ANO2: variants seen among roughly 807,000 people sequenced by gnomAD.
ANO2 encodes the protein anoctamin-2.
A neutral mutation model predicts 124.2 loss-of-function variants in ANO2; 101 were observed. The observed-to-expected ratio is 0.81, with a 90% CI of 0.69 to 0.96. ANO2 has a LOEUF of 0.96. Among genes scored for constraint, ANO2 ranks in the 40% least tolerant of loss-of-function variants. The pLI is 0.00. For missense variants in ANO2, 1,293 were observed against 1,274.5 expected (o/e 1.01, Z -0.22); for synonymous variants, 486 against 482.5 (o/e 1.01, Z -0.09).
chr12:5,613,661 T>G (rs893578529), intron 17 of ANO2, among the ~76,000 whole-genome samples: 1 of 152,188 alleles, frequency 6.6e-6, no homozygotes, highest in Non-Finnish European at 1.5e-5. Context: ...TGTAAGCCTT[T>G]CCTTTGCTGA....
In ANO2 at chr12:5,922,810, A is replaced by C. The variant is rs770472877; in HGVS notation, c.23-6T>G. 3 of 1,486,162 alleles carry C rather than the reference A, an allele frequency of 2.0e-6. No homozygotes were observed. The highest frequency in any genetic ancestry group is 2.7e-6 in the Non-Finnish European group (3 of 1,118,574). 92.1% of individuals were successfully genotyped at this position (1,486,162 alleles called of 1,614,324 possible). On this transcript the variant is annotated splice_region_variant and splice_polypyrimidine_tract_variant and intron_variant, in intron 1 of 24. Transcript: ENST00000682330. ...GCCAGGGAGCAGGGGTATATCTGTG[A>C]GAGGGAAAGACAAGGGAGGCAAAAC...
intron 6 of ANO2, among the ~76,000 whole-genome samples, chr12:5,828,870 C>T (rs935055508): frequency 1.3e-5 from 2 of 152,184 alleles, no homozygotes; most frequent in African/African-American, 4.8e-5. Flanking sequence ...TGCTCAGACA[C>T]CCACAAAGAA....
chr12:5,724,087 T>A (rs1281271636), intron 14 of ANO2, among the ~76,000 whole-genome samples: 1 of 151,794 alleles, frequency 6.6e-6, no homozygotes, highest in Non-Finnish European at 1.5e-5. Flanking sequence ...ATAGCCAGAG[T>A]CCATGAAATG....
At chr12:5,852,072 T>A in intron 4 of ANO2, 2 of 693,344 alleles carry the variant, frequency 2.9e-6, no homozygotes, top group South Asian at 3.0e-5. Context: ...GAATAATATA[T>A]TGGAGTTAGA....
At chr12:5,605,994 C>A (rs567415636) in intron 19 of ANO2, among the ~76,000 whole-genome samples, 10 of 152,182 alleles carry the variant, frequency 6.6e-5, no homozygotes, top group South Asian at 2.1e-4. Flanking sequence ...AGCCAGATCA[C>A]GCAACCAAGT....
intron 4 of ANO2, among the ~76,000 whole-genome samples, chr12:5,833,473 A>G (rs139998534): frequency 6.6e-6 from 1 of 152,104 alleles, no homozygotes; most frequent in Admixed American, 6.5e-5. Context: ...TCTGCATTGG[A>G]TCTGTGGATG....
intron 16 of ANO2, among the ~76,000 whole-genome samples, chr12:5,633,347 C>T (rs530263622): frequency 1.3e-5 from 2 of 152,292 alleles, no homozygotes; most frequent in South Asian, 4.1e-4. Context: ...GTCTGTTTGG[C>T]TCTCTTCCTA....
chr12:5,743,361 C>A (rs113351573), intron 12 of ANO2, among the ~76,000 whole-genome samples: 1 of 152,158 alleles, frequency 6.6e-6, no homozygotes, highest in African/African-American at 2.4e-5. Context: ...CTCAGATGGG[C>A]TGACACAGGT....
intron 7 of ANO2, among the ~76,000 whole-genome samples, chr12:5,819,613 T>A (rs1023212229): frequency 2.6e-5 from 4 of 152,192 alleles, no homozygotes; most frequent in Non-Finnish European, 5.9e-5. Context: ...TTAGGGAGAT[T>A]GGGATGGTGG....
chr12:5,584,731 C>T (rs1252697390), intron 20 of ANO2, among the ~76,000 whole-genome samples: 1 of 152,128 alleles, frequency 6.6e-6, no homozygotes, highest in Non-Finnish European at 1.5e-5. Context: ...TTGCAAGTGT[C>T]GATTGTACAC....
intron 3 of ANO2, among the ~76,000 whole-genome samples, chr12:5,881,275 T>C (rs913350856): frequency 6.6e-6 from 1 of 152,124 alleles, no homozygotes; most frequent in Non-Finnish European, 1.5e-5. Flanking sequence ...AACCCACATA[T>C]GCATGCATCC....
At position 5,904,039 on chromosome 12, in the gene ANO2, T is replaced by C. The variant is rs554245585; in HGVS notation, c.534+17001A>G. ...CTGGGCAATTTCCTGCCTTCTGCTTTCTTCATTAAACACTGACCTCCCCAA... is the reference window on the plus strand; with the variant it reads ...CTGGGCAATTTCCTGCCTTCTGCTTCCTTCATTAAACACTGACCTCCCCAA... On this transcript the variant is annotated intron_variant, in intron 3 of 24. Transcript: ENST00000682330. The surrounding 1 kb of genome is among the most constrained non-coding windows in gnomAD (Gnocchi z 4.1). Among the ~76,000 whole-genome samples, 380 of 152,274 alleles carry C rather than the reference T, an allele frequency of 2.5e-3. 3 individuals carry two copies. Among genetic ancestry groups the C allele is most frequent in the African/African-American group, 8.8e-3 (366 of 41,536 alleles).
At chr12:5,800,242 G>T (rs1287324987) in intron 9 of ANO2, among the ~76,000 whole-genome samples, 1 of 152,266 alleles carries the variant, frequency 6.6e-6, no homozygotes, top group African/African-American at 2.4e-5. Flanking sequence ...AACCAGTGTG[G>T]CTGGGGCAGA....
chr12:5,607,415 C>T (rs1024876456), intron 19 of ANO2, among the ~76,000 whole-genome samples: 1 of 146,538 alleles, frequency 6.8e-6, no homozygotes, highest in African/African-American at 2.5e-5. Flanking sequence ...TTTGTTTTAA[C>T]GTAAAAACCT....
intron 10 of ANO2, among the ~76,000 whole-genome samples, chr12:5,780,695 C>T (rs1347546443): frequency 1.3e-5 from 2 of 152,122 alleles, no homozygotes; most frequent in Non-Finnish European, 2.9e-5. Context: ...GAGGATCCTT[C>T]GCTTGTAAAC....
At chr12:5,807,187 AT>A in intron 8 of ANO2, 125 bp downstream of exon 8, 1 of 783,906 alleles carries the variant, frequency 1.3e-6, no homozygotes, top group Non-Finnish European at 1.9e-6. Context: ...CAGTCAAGGT[AT>A]TTTAATGTCA....
chr12:5,827,729 A>T, intron 7 of ANO2, 40 bp downstream of exon 7: 1 of 1,591,568 alleles, frequency 6.3e-7, no homozygotes, highest in Non-Finnish European at 8.6e-7. Flanking sequence ...GAGCCGCCTC[A>T]GCGCCCGTCA....
intron 14 of ANO2, among the ~76,000 whole-genome samples, chr12:5,709,817 A>G (rs368156116): frequency 2.8e-4 from 43 of 152,346 alleles, no homozygotes; most frequent in African/African-American, 1.0e-3. Flanking sequence ...AGGACAGAGC[A>G]TCTTAGGCCA....
At chr12:5,627,676 T>G (rs747032649) in intron 16 of ANO2, among the ~76,000 whole-genome samples, 71 of 152,264 alleles carry the variant, frequency 4.7e-4, no homozygotes, top group Non-Finnish European at 9.0e-4. Flanking sequence ...GGCAGCCATT[T>G]GTACCTGTGA....
Sources: allele counts gnomAD v4.1 joint callset (sites outside exome capture counted in the v4.1 genomes callset), GRCh38; gene constraint gnomAD v4.1.1; non-coding constraint Gnocchi (gnomAD v3.1); transcripts MANE v1.5; gene names NCBI Gene and HGNC (gene_info 2026-07-23, HGNC 2026-07-21).